Variants in CMC2 observed in about 807,000 individuals in gnomAD.
CMC2 encodes C-X9-C motif containing 2, also known as COX assembly mitochondrial protein 2 homolog.
In CMC2, 5 loss-of-function variants were observed where a neutral mutation model predicts 7.5. The observed-to-expected ratio is 0.66, with a 90% CI of 0.35 to 1.40. The LOEUF (loss-of-function observed/expected upper bound fraction) is 1.40. CMC2 is among the 40% of genes most tolerant of loss of function. The probability of loss-of-function intolerance (pLI) is 0.04; values close to 1 mark genes in which losing one functional copy is unlikely to be tolerated. For synonymous variants in CMC2, 37 were observed against 31.4 expected, an observed-to-expected ratio of 1.18 and a Z score of -0.60; for missense variants, 115 against 92.3, an observed-to-expected ratio of 1.25 and a Z score of -1.01.
intron 2 of CMC2, among the ~76,000 whole-genome samples, chr16:80,990,469 C>T (rs1967894340): frequency 6.6e-6 from 1 of 151,882 alleles, no homozygotes; most frequent in Non-Finnish European, 1.5e-5. Context: ...CGCCACCGGC[C>T]AAAAGATTTT....
chr16:80,982,177 T>A (rs532903886), intron 2 of CMC2: 14 of 220,412 alleles, frequency 6.4e-5, no homozygotes, highest in Admixed American at 3.5e-4. Flanking sequence ...ATCAAAAAAA[T>A]TTAAGAGAAA....
intron 2 of CMC2, among the ~76,000 whole-genome samples, chr16:80,995,855 C>G (rs1968375714): frequency 6.6e-6 from 1 of 152,022 alleles, no homozygotes. Flanking sequence ...GCATGGGTAT[C>G]TATATATGAC....
chr16:80,979,782 G>A (rs1204350348), intron 3 of CMC2, among the ~76,000 whole-genome samples: 1 of 151,016 alleles, frequency 6.6e-6, no homozygotes, highest in South Asian at 2.1e-4. Context: ...CACCATGCCT[G>A]GCTAATTTTT....
intron 3 of CMC2, among the ~76,000 whole-genome samples, chr16:80,979,746 G>T (rs1039842481): frequency 6.7e-6 from 1 of 148,690 alleles, no homozygotes; most frequent in Non-Finnish European, 1.5e-5. Flanking sequence ...TCAGCCTCCC[G>T]AGTAGCTGGA....
intron 2 of CMC2, chr16:80,988,575 T>C (rs946021950): frequency 1.3e-5 from 9 of 697,890 alleles, no homozygotes; most frequent in Middle Eastern, 4.6e-4. Context: ...ACCGAGTAAG[T>C]TGCAGATATG....
Position 80,982,139 on chromosome 16 carries a change from C to G in CMC2, c.82-262G>C, listed in dbSNP as rs550114746. ...CATTTGGAACAATTAAAAAAAACCT[C>G]ACAGATGAACTACCATAGCCTAGAA... On this transcript the variant is annotated intron_variant, in intron 2 of 3. Transcript: ENST00000219400. Among the ~76,000 whole-genome samples the G allele has an allele frequency of 2.6e-5, 4 of 152,112 alleles. No homozygotes were observed. The East Asian group carries it at 7.7e-4, about 29-fold the overall frequency.
At chr16:80,988,563 G>C in intron 2 of CMC2, 1 of 701,720 alleles carries the variant, frequency 1.4e-6, no homozygotes, top group Non-Finnish European at 2.6e-6. Flanking sequence ...CTTTTCTTCT[G>C]AACCGAGTAA....
rs910041609 is a variant in CMC2 at position 80,971,042 on chromosome 16, C to T, written c.*5051G>A. The T allele has an allele frequency of 3.9e-5, 6 of 151,966 alleles. No individual in the cohort carries two copies. Among genetic ancestry groups the T allele is most frequent in the East Asian group, 1.9e-4 (1 of 5,184 alleles). 9.4% of individuals were successfully genotyped at this position (151,966 alleles called of 1,614,324 possible). A position where few individuals can be genotyped will look rare whatever the true frequency, so the allele number is the denominator to read the frequency against. On this transcript the variant is annotated 3_prime_UTR_variant, in exon 4 of 4. Transcript: ENST00000219400. ...CCCAGCCACTCAGGAGGCTAAGGCA[C>T]GAGAATTGCTTGAAGCCAGGAGGTG... is the stretch of plus-strand genomic sequence containing the variant.
At chr16:80,989,643 C>T (rs1020824570) in intron 2 of CMC2, among the ~76,000 whole-genome samples, 1 of 152,074 alleles carries the variant, frequency 6.6e-6, no homozygotes, top group Non-Finnish European at 1.5e-5. Flanking sequence ...TACGTATGCT[C>T]ATTGCTACAG....
At chr16:80,984,930 A>G (rs987005683) in intron 2 of CMC2, among the ~76,000 whole-genome samples, 2 of 152,220 alleles carry the variant, frequency 1.3e-5, no homozygotes, top group African/African-American at 4.8e-5. Context: ...ACAGGCTACA[A>G]TTTTCTTATA....
Position 80,974,491 on chromosome 16 carries a change from A to G in CMC2, c.*1602T>C, listed in dbSNP as rs1438486978. 2.6e-5 allele frequency: 4 copies of G among 151,408 alleles called. No homozygotes were observed. The highest frequency in any genetic ancestry group is 7.4e-5 in the African/African-American group (3 of 40,654). 9.4% of individuals were successfully genotyped at this position (151,408 alleles called of 1,614,324 possible). A position where few individuals can be genotyped will look rare whatever the true frequency, so the allele number is the denominator to read the frequency against. ...CCAACAGATTTCAAAGCTGTCTATG[A>G]TCTTCCTCCACTCTAAGCTCCCATA... is the stretch of plus-strand genomic sequence containing the variant. On this transcript the variant is annotated 3_prime_UTR_variant, in exon 4 of 4. Transcript: ENST00000219400.
At chr16:80,977,152 C>T (rs1195953160) in intron 3 of CMC2, among the ~76,000 whole-genome samples, 2 of 152,124 alleles carry the variant, frequency 1.3e-5, no homozygotes, top group African/African-American at 2.4e-5. Context: ...TTCTTCATCA[C>T]GAACAGTTAA....
intron 3 of CMC2, chr16:80,981,012 G>A (rs1967069558): frequency 6.0e-6 from 2 of 336,060 alleles, no homozygotes; most frequent in South Asian, 2.1e-4. Context: ...AGCCTAAGCA[G>A]AAAACAAAAT....
At position 80,971,128 on chromosome 16, in the gene CMC2, C is replaced by CT. The variant is rs1168853771; in HGVS notation, c.*4964dup. 6.6e-6 allele frequency: 1 copy of CT among 152,110 alleles called. No individual in the cohort carries two copies. 9.4% of individuals were successfully genotyped at this position (152,110 alleles called of 1,614,324 possible). Reference sequence around the variant, plus strand: ...CCAGCCTGGGTGACAGGGTGAGACTCTGTCTCAAAAAACAACAACAAAAAT... The same window carrying CT: ...CCAGCCTGGGTGACAGGGTGAGACTCTTGTCTCAAAAAACAACAACAAAAAT... On this transcript the variant is annotated 3_prime_UTR_variant, in exon 4 of 4. Transcript: ENST00000219400.
intron 3 of CMC2, among the ~76,000 whole-genome samples, chr16:80,977,298 G>C (rs769356777): frequency 6.6e-6 from 1 of 152,176 alleles, no homozygotes; most frequent in Non-Finnish European, 1.5e-5. Flanking sequence ...CTGGCACTTA[G>C]ATTTTCTTAA....
At chr16:80,980,981 G>C (rs1156325330) in intron 3 of CMC2, 1 of 451,750 alleles carries the variant, frequency 2.2e-6, no homozygotes, top group Non-Finnish European at 4.0e-6. Flanking sequence ...CAATTTAAAG[G>C]GAATCCAGGA....
intron 2 of CMC2, among the ~76,000 whole-genome samples, chr16:80,986,927 G>T (rs1967586831): frequency 6.6e-6 from 1 of 152,188 alleles, no homozygotes; most frequent in African/African-American, 2.4e-5. Flanking sequence ...ATTTTTTGCA[G>T]GAAGGTGTAG....
intron 2 of CMC2, chr16:80,983,575 G>A (rs1160722067): frequency 6.6e-6 from 1 of 152,248 alleles, no homozygotes; most frequent in Non-Finnish European, 1.5e-5. Flanking sequence ...ACTGCCATGG[G>A]CAGAGTAACT....
At chr16:80,990,258 T>A (rs568956653) in intron 2 of CMC2, among the ~76,000 whole-genome samples, 3 of 152,116 alleles carry the variant, frequency 2.0e-5, no homozygotes, top group Admixed American at 6.5e-5. Context: ...GCAACCTCTG[T>A]CTCCCAGGTT....
Sources: allele counts gnomAD v4.1 joint callset (sites outside exome capture counted in the v4.1 genomes callset), GRCh38; gene constraint gnomAD v4.1.1; transcripts MANE v1.5; gene names NCBI Gene and HGNC (gene_info 2026-07-23, HGNC 2026-07-21).